Variants in TULP4 observed in about 807,000 individuals in gnomAD.
TULP4 encodes tubby-related protein 4.
TULP4 carries 16 observed loss-of-function variants against 129.0 expected under a neutral mutation model. The ratio of observed to expected loss-of-function variants is 0.12; its 90% CI spans 0.08 to 0.19. The LOEUF is 0.19. Ranked by LOEUF, TULP4 falls within the 10% of genes least tolerant of loss-of-function variation. The probability of loss-of-function intolerance (pLI) is 1.00; values close to 1 mark genes in which losing one functional copy is unlikely to be tolerated. For missense variants in TULP4, 1,842 were observed against 2,059.1 expected (o/e 0.89, Z 2.04); for synonymous variants, 998 against 854.0 (o/e 1.17, Z -2.94).
intron 2 of TULP4, among the ~76,000 whole-genome samples, chr6:158,426,272 G>C (rs1272611888): frequency 6.6e-6 from 1 of 152,020 alleles, no homozygotes; most frequent in Non-Finnish European, 1.5e-5. Flanking sequence ...TATTGCTTTT[G>C]GTATCTTCAT....
chr6:158,233,500 T>C (rs927489899), intron 1 of TULP4, among the ~76,000 whole-genome samples: 2 of 152,222 alleles, frequency 1.3e-5, no homozygotes, highest in Non-Finnish European at 2.9e-5. Flanking sequence ...TTGAAGTTCT[T>C]GCAGACAAAC....
At chr6:158,498,867 C>T in intron 12 of TULP4, 55 bp downstream of exon 12, 13 of 1,596,782 alleles carry the variant, frequency 8.1e-6, no homozygotes, top group Non-Finnish European at 1.1e-5. Context: ...GTAGATCATG[C>T]AAGGGGGACA....
chr6:158,318,712 T>C (rs940250072), intron 1 of TULP4, among the ~76,000 whole-genome samples: 3 of 152,046 alleles, frequency 2.0e-5, no homozygotes, highest in Non-Finnish European at 4.4e-5. Context: ...TTATCCTCAA[T>C]TGTTATATCT....
intron 1 of TULP4, among the ~76,000 whole-genome samples, chr6:158,241,720 G>A (rs377677288): frequency 3.3e-4 from 50 of 152,166 alleles, no homozygotes; most frequent in Admixed American, 1.7e-3. Flanking sequence ...TCAGCCTCCC[G>A]AGTAGCCGGG....
At chr6:158,295,490 AACTT>A (rs1779010999) in intron 1 of TULP4, among the ~76,000 whole-genome samples, 2 of 152,184 alleles carry the variant, frequency 1.3e-5, no homozygotes, top group Non-Finnish European at 2.9e-5. Flanking sequence ...AAAAAAACAA[AACTT>A]ACTTGTTGTG....
intron 1 of TULP4, among the ~76,000 whole-genome samples, chr6:158,343,086 G>A (rs556992192): frequency 7.9e-5 from 12 of 152,138 alleles, no homozygotes; most frequent in East Asian, 3.9e-4. Flanking sequence ...CTGTGATGGC[G>A]TGTTCAGGGG....
chr6:158,441,787 T>G (rs1778904277), intron 3 of TULP4, among the ~76,000 whole-genome samples: 1 of 152,144 alleles, frequency 6.6e-6, no homozygotes, highest in Non-Finnish European at 1.5e-5. Flanking sequence ...ACACACACCC[T>G]GGAGCAAACA....
chr6:158,498,754 T>C lies in TULP4; in HGVS notation c.1956T>C (p.Tyr652=), dbSNP rs971781044. 8 of 1,614,086 alleles carry C rather than the reference T, an allele frequency of 5.0e-6. No individual in the cohort carries two copies. The highest frequency in any genetic ancestry group is 6.8e-6 in the Non-Finnish European group (8 of 1,180,042). ...AAGTTCGGAAAATTTCCATGGACTA[T>C]ATTAATTTACCTGTCTTCAACCCAA... is the stretch of plus-strand genomic sequence containing the variant. The part of the protein sequence containing the change: ...LPEVRKISMD[Y]INLPVFNPNV... The change falls in exon 12 of 14, where the codon TAT becomes TAC. Residue 652 remains tyrosine (Y), a synonymous_variant. Transcript: ENST00000367097.
At chr6:158,458,690 C>G (rs928694883) in intron 5 of TULP4, among the ~76,000 whole-genome samples, 5 of 152,216 alleles carry the variant, frequency 3.3e-5, no homozygotes, top group Non-Finnish European at 7.3e-5. Context: ...CTGACTATAT[C>G]TAGGCTTCTG....
upstream of TULP4, chr6:158,312,069 C>T (rs975079597): frequency 2.0e-5 from 8 of 396,086 alleles, no homozygotes; most frequent in African/African-American, 4.2e-5. Context: ...GACTCCAGGG[C>T]CTCCCAGCCG....
Position 158,412,000 on chromosome 6 carries a change from A to C in TULP4, c.253-1065A>C, listed in dbSNP as rs180765721. Among the ~76,000 whole-genome samples, 303 of 152,338 alleles carry C rather than the reference A, an allele frequency of 2.0e-3. 3 individuals carry two copies. The highest frequency in any genetic ancestry group is 0.014 in the Middle Eastern group (4 of 294). ...AAATGCTGGGAGTAGACAAGGGTTC[A>C]AATCTTCTTTTATTCATAGCAAGAG... On this transcript the variant is annotated intron_variant, in intron 1 of 13. Transcript: ENST00000367097.
chr6:158,426,807 G>A (rs1283070928), intron 2 of TULP4, among the ~76,000 whole-genome samples: 1 of 152,164 alleles, frequency 6.6e-6, no homozygotes, highest in African/African-American at 2.4e-5. Flanking sequence ...AAACTGTTTT[G>A]GGTAGTATGG....
chr6:158,250,692 G>C, intron 1 of TULP4, among the ~76,000 whole-genome samples: 1 of 152,148 alleles, frequency 6.6e-6, no homozygotes, highest in African/African-American at 2.4e-5. Flanking sequence ...TTGGCTGACT[G>C]ATGGTCATAT....
intron 3 of TULP4, among the ~76,000 whole-genome samples, chr6:158,438,731 C>G (rs993873443): frequency 6.6e-6 from 1 of 151,966 alleles, no homozygotes; most frequent in African/African-American, 2.4e-5. Flanking sequence ...ATTACAGGCA[C>G]GCACCACCAT....
intron 2 of TULP4, among the ~76,000 whole-genome samples, chr6:158,428,618 A>AT (rs373847644): frequency 8.0e-5 from 12 of 150,346 alleles, no homozygotes; most frequent in South Asian, 6.4e-4. Flanking sequence ...TTTCAGTTAG[A>AT]TTTTTTTTTT....
intron 1 of TULP4, among the ~76,000 whole-genome samples, chr6:158,390,797 A>G (rs965849439): frequency 2.6e-5 from 4 of 152,218 alleles, no homozygotes; most frequent in African/African-American, 9.6e-5. Flanking sequence ...CATGGGCCCT[A>G]TGTTTGTTTT....
chr6:158,302,191 G>C (rs1165664936), intron 1 of TULP4, among the ~76,000 whole-genome samples: 1 of 152,168 alleles, frequency 6.6e-6, no homozygotes, highest in Non-Finnish European at 1.5e-5. Flanking sequence ...ACATAAAGCT[G>C]GCAGATGGTA....
chr6:158,412,565 T>C lies in TULP4; in HGVS notation c.253-500T>C, dbSNP rs1777623964. 2.6e-5 allele frequency among the ~76,000 whole-genome samples: 4 copies of C among 152,224 alleles called. No individual in the cohort carries two copies. The South Asian group carries it at 8.3e-4, about 32-fold the overall frequency. On this transcript the variant is annotated intron_variant, in intron 1 of 13. Coordinates refer to ENST00000367097, the MANE Select transcript of TULP4 (RefSeq NM_020245.5). Reference sequence around the variant, plus strand: ...GATTTTTCAAGTATGTATTTTTTTTTCCAAATTAACCACATTTAGATGATT... The same window carrying C: ...GATTTTTCAAGTATGTATTTTTTTTCCCAAATTAACCACATTTAGATGATT...
intron 4 of TULP4, among the ~76,000 whole-genome samples, chr6:158,451,268 T>G (rs1004185892): frequency 1.2e-4 from 18 of 152,192 alleles, no homozygotes; most frequent in African/African-American, 3.9e-4. Context: ...AACAGGGTTC[T>G]TCTTAGTGGC....
Sources: allele counts gnomAD v4.1 joint callset (sites outside exome capture counted in the v4.1 genomes callset), GRCh38; gene constraint gnomAD v4.1.1; transcripts MANE v1.5; gene names NCBI Gene and HGNC (gene_info 2026-07-23, HGNC 2026-07-21).